RANBP6: variants seen among roughly 807,000 people sequenced by gnomAD.
RANBP6 encodes RAN binding protein 6.
Under a neutral mutation model 35.3 loss-of-function variants are expected in RANBP6, and 10 were observed. The ratio of observed to expected loss-of-function variants is 0.28; its 90% CI spans 0.17 to 0.48. RANBP6 has a LOEUF of 0.48. Ranked by LOEUF, RANBP6 falls within the 20% of genes least tolerant of loss-of-function variation. The probability of loss-of-function intolerance (pLI) is 0.99; values close to 1 mark genes in which losing one functional copy is unlikely to be tolerated. For synonymous variants in RANBP6, 514 were observed against 464.2 expected (o/e 1.11, Z -1.38); for missense variants, 1,392 against 1,307.7 (o/e 1.06, Z -0.99).
In RANBP6 at chr9:6,012,583, G is replaced by A. The variant is rs774422403; in HGVS notation, c.3025C>T (p.Pro1009Ser). 6.2e-7 allele frequency: 1 copy of A among 1,614,092 alleles called. No homozygotes were observed. Among genetic ancestry groups the A allele is most frequent in the South Asian group, 1.1e-5 (1 of 91,052 alleles). ...GCTTCCTCTTTATCTTCATGCAGTG[G>A]AAGCCATGATAACCAGTGTGGAAGA... ...EVLPHWLSWL[P>S]LHEDKEEAIQ... Residue 1009 changes from proline (P) to serine (S), a missense_variant, in exon 1 of 1, where the codon CCA (proline) becomes TCA (serine). Coordinates refer to ENST00000259569, the MANE Select transcript of RANBP6 (RefSeq NM_012416.4).
chr9:6,013,458 G>A lies in RANBP6; in HGVS notation c.2150C>T (p.Pro717Leu). The A allele has an allele frequency of 6.2e-7, 1 of 1,614,192 alleles. No homozygotes were observed. The highest frequency in any genetic ancestry group is 8.5e-7 in the Non-Finnish European group (1 of 1,180,028). ...GTCATGGAAATAAAATTTCAGTAAA[G>A]GAACCATCAGCTTCACAACTTGTTC... is the stretch of plus-strand genomic sequence containing the variant. ...YTEQVVKLMV[P>L]LLKFYFHDNV... The change falls in exon 1 of 1, where the codon CCT (proline) becomes CTT (leucine). Residue 717 changes from proline (P) to leucine (L), a missense_variant. By Grantham distance (98) the Pro-to-Leu change is moderately conservative (BLOSUM62 -3). Transcript: ENST00000259569.
In RANBP6 at chr9:6,012,123, G is replaced by A. The variant is rs112381878; in HGVS notation, c.*167C>T. ...TCTGTGTTTGGAAGATAAAACATGC[G>A]AGATAAACAGAGGACTAACACTGAT... On this transcript the variant is annotated 3_prime_UTR_variant, in exon 1 of 1. Coordinates refer to ENST00000259569, the MANE Select transcript of RANBP6 (RefSeq NM_012416.4). The A allele has an allele frequency of 8.3e-5, 42 of 508,106 alleles. No individual in the cohort carries two copies. Among genetic ancestry groups the A allele is most frequent in the East Asian group, 2.9e-4 (9 of 31,290 alleles). The allele number at this position is 508,106 out of a possible 1,614,324, so 31.5% of individuals were successfully genotyped here. A position where few individuals can be genotyped will look rare whatever the true frequency, so the allele number is the denominator to read the frequency against.
chr9:6,011,594 G>C lies in RANBP6; in HGVS notation c.*696C>G, dbSNP rs1197890319. On this transcript the variant is annotated 3_prime_UTR_variant, in exon 1 of 1. Transcript: ENST00000259569. Reference sequence around the variant, plus strand: ...CATGCTACCAATATTAGATGTATCAGGACTCCCTTTTCAGTAACTATGGTT... The same window carrying C: ...CATGCTACCAATATTAGATGTATCACGACTCCCTTTTCAGTAACTATGGTT... 1 of 152,054 alleles carries C rather than the reference G, an allele frequency of 6.6e-6. No individual in the cohort carries two copies. Among genetic ancestry groups the C allele is most frequent in the Non-Finnish European group, 1.5e-5 (1 of 68,026 alleles). 9.4% of individuals were successfully genotyped at this position (152,054 alleles called of 1,614,324 possible). A position where few individuals can be genotyped will look rare whatever the true frequency, so the allele number is the denominator to read the frequency against.
chr9:6,013,709 C>A lies in RANBP6; in HGVS notation c.1899G>T (p.Leu633=). 1 of 1,614,068 alleles carries A rather than the reference C, an allele frequency of 6.2e-7. No individual in the cohort carries two copies. The highest frequency in any genetic ancestry group is 8.5e-7 in the Non-Finnish European group (1 of 1,179,992). ...LGKDFQQYLP[L]VIEPLIKTAS... Reference sequence around the variant, plus strand: ...CAGTCTTAATAAGAGGCTCGATAACCAGTGGAAGGTACTGTTGAAAATCTT... The same window carrying A: ...CAGTCTTAATAAGAGGCTCGATAACAAGTGGAAGGTACTGTTGAAAATCTT... Residue 633 remains leucine (L), a synonymous_variant, in exon 1 of 1, where the codon CTG becomes CTT. Transcript: ENST00000259569.
At position 6,014,827 on chromosome 9, in the gene RANBP6, G is replaced by C; in HGVS notation, c.781C>G (p.Pro261Ala). ...IADTVPKYLG[P>A]YLEDTLQLSL... Reference sequence around the variant, plus strand: ...AACTGTAGAGTATCTTCTAAATAAGGACCCAAGTACTTAGGTACGGTATCT... The same window carrying C: ...AACTGTAGAGTATCTTCTAAATAAGCACCCAAGTACTTAGGTACGGTATCT... The change falls in exon 1 of 1, where the codon CCT (proline) becomes GCT (alanine). Residue 261 changes from proline (P) to alanine (A), a missense_variant. Coordinates refer to ENST00000259569, the MANE Select transcript of RANBP6 (RefSeq NM_012416.4). 6.2e-7 allele frequency: 1 copy of C among 1,614,152 alleles called. No individual in the cohort carries two copies. Among genetic ancestry groups the C allele is most frequent in the Non-Finnish European group, 8.5e-7 (1 of 1,180,014 alleles).
chr9:6,014,751 A>G lies in RANBP6; in HGVS notation c.857T>C (p.Leu286Pro). The G allele has an allele frequency of 6.2e-7, 1 of 1,614,190 alleles. No individual in the cohort carries two copies. Among genetic ancestry groups the G allele is most frequent in the Non-Finnish European group, 8.5e-7 (1 of 1,180,044 alleles). ...DSRLSNLQRQLALEVIVTLSE... is the reference protein window; with the variant it reads ...DSRLSNLQRQPALEVIVTLSE... ...CAAGGTCACTATAACTTCGAGGGCCAGCTGGCGCTGCAGATTACTAAGCCT... is the reference window on the plus strand; with the variant it reads ...CAAGGTCACTATAACTTCGAGGGCCGGCTGGCGCTGCAGATTACTAAGCCT... Residue 286 changes from leucine to proline, a missense_variant, in exon 1 of 1, where the codon CTG (leucine) becomes CCG (proline). By Grantham distance (98) the Leu-to-Pro change is moderately conservative. Coordinates refer to ENST00000259569, the MANE Select transcript of RANBP6 (RefSeq NM_012416.4).
chr9:6,014,735 T>C lies in RANBP6; in HGVS notation c.873A>G (p.Ile291Met), dbSNP rs114777314. 1,265 of 1,614,210 alleles carry C rather than the reference T, an allele frequency of 7.8e-4. 6 individuals are homozygous for C. The African/African-American group carries it at 0.012, about 15-fold the overall frequency. The change falls in exon 1 of 1, where the codon ATA (isoleucine) becomes ATG (methionine). Residue 291 changes from isoleucine (I) to methionine (M), a missense_variant. Ile to Met is a conservative substitution (Grantham distance 10). Coordinates refer to ENST00000259569, the MANE Select transcript of RANBP6 (RefSeq NM_012416.4). ...NLQRQLALEV[I>M]VTLSETATPM... ...GAGTGGCAGTTTCAGACAAGGTCAC[T>C]ATAACTTCGAGGGCCAGCTGGCGCT...
rs3739650 is a variant in RANBP6, at chr9:6,012,238, T to G, written c.*52A>C. On this transcript the variant is annotated 3_prime_UTR_variant, in exon 1 of 1. Coordinates refer to ENST00000259569, the MANE Select transcript of RANBP6 (RefSeq NM_012416.4). Reference sequence around the variant, plus strand: ...TTATAATAAAATCTATTCACAACACTTATTTGTAGTTACTTTTATAATAGA... The same window carrying G: ...TTATAATAAAATCTATTCACAACACGTATTTGTAGTTACTTTTATAATAGA... 208 of 1,284,174 alleles carry G rather than the reference T, an allele frequency of 1.6e-4. No homozygotes were observed. The East Asian group carries it at 5.1e-3, about 31-fold the overall frequency. 79.5% of individuals were successfully genotyped at this position (1,284,174 alleles called of 1,614,324 possible).
In RANBP6 at chr9:6,014,866, G is replaced by C; in HGVS notation, c.742C>G (p.Leu248Val). 6.2e-7 allele frequency: 1 copy of C among 1,614,136 alleles called. No individual in the cohort carries two copies. Among genetic ancestry groups the C allele is most frequent in the Non-Finnish European group, 8.5e-7 (1 of 1,180,028 alleles). Residue 248 changes from leucine (L) to valine (V), a missense_variant, in exon 1 of 1, where the codon CTT becomes GTT. Coordinates refer to ENST00000259569, the MANE Select transcript of RANBP6 (RefSeq NM_012416.4). ...YQDDDSVLES[L>V]VEIADTVPKY... ...GGTACGGTATCTGCAATCTCAACAA[G>C]GGATTCTAGCACTGAATCATCATCC...
chr9:6,015,187 G>C lies in RANBP6; in HGVS notation c.421C>G (p.Leu141Val). The C allele has an allele frequency of 6.2e-7, 1 of 1,614,120 alleles. No individual in the cohort carries two copies. Among genetic ancestry groups the C allele is most frequent in the Non-Finnish European group, 8.5e-7 (1 of 1,180,044 alleles). The change falls in exon 1 of 1, where the codon CTG becomes GTG. Residue 141 changes from leucine (L) to valine (V), a missense_variant. Coordinates refer to ENST00000259569, the MANE Select transcript of RANBP6 (RefSeq NM_012416.4). Reference sequence around the variant, plus strand: ...TAGATTGAATCAATAAGAAACTTCAGACCTTCCGGCCAGTGGTTAGTGCCA... The same window carrying C: ...TAGATTGAATCAATAAGAAACTTCACACCTTCCGGCCAGTGGTTAGTGCCA... ...EDGTNHWPEG[L>V]KFLIDSIYSK...
chr9:6,015,553 A>C lies in RANBP6; in HGVS notation c.55T>G (p.Phe19Val), dbSNP rs758075084. 1 of 1,609,648 alleles carries C rather than the reference A, an allele frequency of 6.2e-7. No individual in the cohort carries two copies. Among genetic ancestry groups the C allele is most frequent in the South Asian group, 1.1e-5 (1 of 90,998 alleles). The stretch of plus-strand genomic sequence containing the variant: ...ATCAGGTTCTTCAGAAGCTGGTAAA[A>C]CTCTTGCTTTTCTGACACGGTCGCC... ...VPATVSEKQEFYQLLKNLINP... is the reference protein window; with the variant it reads ...VPATVSEKQEVYQLLKNLINP... Residue 19 changes from phenylalanine (F) to valine (V), a missense_variant, in exon 1 of 1, where the codon TTT becomes GTT. Phe to Val is a conservative substitution (Grantham distance 50). Coordinates refer to ENST00000259569, the MANE Select transcript of RANBP6 (RefSeq NM_012416.4).
Position 6,011,484 on chromosome 9 carries a change from T to A in RANBP6, c.*806A>T, listed in dbSNP as rs1267641753. On this transcript the variant is annotated 3_prime_UTR_variant, in exon 1 of 1. Coordinates refer to ENST00000259569, the MANE Select transcript of RANBP6 (RefSeq NM_012416.4). ...GCTGCTTTGCAGGGAGAAAATGGCA[T>A]ACATATACAAAATAATACTCTGCTG... The A allele has an allele frequency of 1.3e-5, 2 of 152,152 alleles. No individual in the cohort carries two copies. The highest frequency in any genetic ancestry group is 2.9e-5 in the Non-Finnish European group (2 of 68,012). 9.4% of individuals were successfully genotyped at this position (152,152 alleles called of 1,614,324 possible).
Position 6,012,139 on chromosome 9 carries a change from T to G in RANBP6, c.*151A>C. On this transcript the variant is annotated 3_prime_UTR_variant, in exon 1 of 1. Transcript: ENST00000259569. ...AAAACATGCGAGATAAACAGAGGAC[T>G]AACACTGATTAATTCTGGAGAAACA... 1.7e-6 allele frequency: 1 copy of G among 600,988 alleles called. No homozygotes were observed. The highest frequency in any genetic ancestry group is 2.8e-6 in the Non-Finnish European group (1 of 363,084). 37.2% of individuals were successfully genotyped at this position (600,988 alleles called of 1,614,324 possible).
rs750349187 is a variant in RANBP6, at chr9:6,014,215, G to A, written c.1393C>T (p.Arg465Cys). Residue 465 changes from arginine to cysteine, a missense_variant, in exon 1 of 1, where the codon CGT (arginine) becomes TGT (cysteine). Transcript: ENST00000259569. ...LRTMENQGNQ[R>C]VQSHAASALI... The stretch of plus-strand genomic sequence containing the variant: ...GCAGAAGCTGCATGTGATTGCACAC[G>A]CTGATTACCTTGATTTTCCATGGTA... 14 of 1,613,418 alleles carry A rather than the reference G, an allele frequency of 8.7e-6. No homozygotes were observed. Among genetic ancestry groups the A allele is most frequent in the Middle Eastern group, 1.7e-4 (1 of 5,964 alleles).
chr9:6,012,965 A>G lies in RANBP6; in HGVS notation c.2643T>C (p.Cys881=), dbSNP rs576006479. 2.9e-5 allele frequency: 47 copies of G among 1,614,186 alleles called. No homozygotes were observed. The South Asian group carries it at 4.4e-4, about 15-fold the overall frequency. ...GTCTGTCTGGCCATGGCCTACTTGAACAAATTAGATTTACAATTAATGGAA... is the reference window on the plus strand; with the variant it reads ...GTCTGTCTGGCCATGGCCTACTTGAGCAAATTAGATTTACAATTAATGGAA... ...QLLPLIVNLI[C]SSRPWPDRQW... The change falls in exon 1 of 1, where the codon TGT becomes TGC. Residue 881 remains cysteine (C), a synonymous_variant. Coordinates refer to ENST00000259569, the MANE Select transcript of RANBP6 (RefSeq NM_012416.4).
Position 6,013,982 on chromosome 9 carries a change from G to C in RANBP6, c.1626C>G (p.Phe542Leu). ...EEKFVPYYDI[F>L]MPSLKHIVEL... ...CAACAATGTGCTTTAGTGAGGGCAT[G>C]AATATATCATAATATGGGACAAATT... Residue 542 changes from phenylalanine (F) to leucine (L), a missense_variant, in exon 1 of 1, where the codon TTC becomes TTG. Physicochemically the swap from Phe to Leu is conservative, Grantham distance 22 (BLOSUM62 0). Transcript: ENST00000259569. 1.9e-6 allele frequency: 3 copies of C among 1,613,940 alleles called. No individual in the cohort carries two copies. Among genetic ancestry groups the C allele is most frequent in the Non-Finnish European group, 2.5e-6 (3 of 1,179,994 alleles).
Position 6,015,097 on chromosome 9 carries a change from C to G in RANBP6, c.511G>C (p.Gly171Arg). ...TCCAAATCATGCCGCTCTTGGGTCC[C>G]AAAAATCCCAGGAAAGTGCCAGAAA... ...HVFWHFPGIFGTQERHDLDII... is the reference protein window; with the variant it reads ...HVFWHFPGIFRTQERHDLDII... Residue 171 changes from glycine to arginine, a missense_variant, in exon 1 of 1, where the codon GGG becomes CGG. Transcript: ENST00000259569. 2 of 1,614,094 alleles carry G rather than the reference C, an allele frequency of 1.2e-6. No individual in the cohort carries two copies. The highest frequency in any genetic ancestry group is 1.7e-6 in the Non-Finnish European group (2 of 1,180,028).
Position 6,011,630 on chromosome 9 carries a change from T to G in RANBP6, c.*660A>C, listed in dbSNP as rs1305171860. ...TCAGTAACTATGGTTCTTGGAGTCC[T>G]GGATAACTTAAAAAAATAGAGACCT... On this transcript the variant is annotated 3_prime_UTR_variant, in exon 1 of 1. Coordinates refer to ENST00000259569, the MANE Select transcript of RANBP6 (RefSeq NM_012416.4). 2.6e-5 allele frequency: 4 copies of G among 152,212 alleles called. No homozygotes were observed. The highest frequency in any genetic ancestry group is 9.6e-5 in the African/African-American group (4 of 41,464). The allele number at this position is 152,212 out of a possible 1,614,324, so 9.4% of individuals were successfully genotyped here.
At position 6,012,689 on chromosome 9, in the gene RANBP6, A is replaced by T; in HGVS notation, c.2919T>A (p.Asn973Lys). Residue 973 changes from asparagine to lysine, a missense_variant, in exon 1 of 1, where the codon AAT becomes AAA. Physicochemically the swap from Asn to Lys is moderately conservative, Grantham distance 94 (BLOSUM62 0). Transcript: ENST00000259569. Reference protein sequence around the residue: ...IKCANSKTKKNVIATENCISA... With the variant: ...IKCANSKTKKKVIATENCISA... ...AGATACAGTTCTCTGTAGCAATGAC[A>T]TTTTTTTTGGTTTTGGAATTTGCAC... The T allele has an allele frequency of 6.2e-7, 1 of 1,612,966 alleles. No homozygotes were observed. Among genetic ancestry groups the T allele is most frequent in the Non-Finnish European group, 8.5e-7 (1 of 1,179,518 alleles).
Sources: gnomAD v4.1 joint callset for allele counts on GRCh38, gnomAD v4.1.1 for gene constraint, MANE v1.5 for transcripts, NCBI Gene and HGNC (gene_info 2026-07-23, HGNC 2026-07-21) for gene names.